PPDPF: variants seen among roughly 807,000 people sequenced by gnomAD.
The protein encoded by PPDPF is exocrine differentiation and proliferation factor.
PPDPF carries 11 observed loss-of-function variants against 6.3 expected under a neutral mutation model. The ratio of observed to expected loss-of-function variants is 1.76; its 90% confidence interval spans 1.11 to 2.91. The LOEUF is 2.91. Among genes scored for constraint, PPDPF ranks in the 30% most tolerant of loss-of-function variants. The probability of loss-of-function intolerance (pLI) is 0.00; values close to 1 mark genes in which losing one functional copy is unlikely to be tolerated. For synonymous variants in PPDPF, 86 were observed against 64.5 expected, an observed-to-expected ratio of 1.33 and a Z score of -1.60; for missense variants, 202 against 159.4, an observed-to-expected ratio of 1.27 and a Z score of -1.44.
At position 63,521,554 on chromosome 20, in the gene PPDPF, C is replaced by A; in HGVS notation, c.98C>A (p.Thr33Asn). Reference protein sequence around the residue: ...STSSNSSCSSTECPGEAIPHP... With the variant: ...STSSNSSCSSNECPGEAIPHP... ...TCCAGCAACAGCTCCTGCAGCAGTA[C>A]CGAGTGCCCCGGGGAAGCCATTCCC... is the stretch of plus-strand genomic sequence containing the variant. The change falls in exon 3 of 4, where the codon ACC (threonine) becomes AAC (asparagine). Residue 33 changes from threonine to asparagine, a missense_variant. Coordinates refer to ENST00000370179, the MANE Select transcript of PPDPF (RefSeq NM_024299.4). 1 of 1,604,160 alleles carries A rather than the reference C, an allele frequency of 6.2e-7. No individual in the cohort carries two copies. Among genetic ancestry groups the A allele is most frequent in the Non-Finnish European group, 8.5e-7 (1 of 1,175,022 alleles).
At chr20:63,521,232 C>T (rs1231927178) in intron 1 of PPDPF, 52 bp from the exon 2 acceptor site, 9 of 1,479,734 alleles carry the variant, frequency 6.1e-6, no homozygotes, top group Admixed American at 2.1e-5. Flanking sequence ...GGGGAGCGCC[C>T]TTCATGACGG....
rs993135951 is a variant in PPDPF at position 63,521,799 on chromosome 20, G to A, written c.265G>A (p.Ala89Thr). Residue 89 changes from alanine to threonine, a missense_variant, in exon 4 of 4, where the codon GCC becomes ACC. Transcript: ENST00000370179. ...EPPQASSSMT[A>T]CGLARDAPRK... ...TCCCCAGGCCTCCAGCAGCATGACC[G>A]CCTGTGGCCTGGCTCGGGACGCCCC... The A allele has an allele frequency of 2.5e-6, 4 of 1,612,304 alleles. No homozygotes were observed. Among genetic ancestry groups the A allele is most frequent in the Non-Finnish European group, 3.4e-6 (4 of 1,179,856 alleles).
chr20:63,521,656 C>G lies in PPDPF; in HGVS notation c.134-12C>G. 2 of 1,613,358 alleles carry G rather than the reference C, an allele frequency of 1.2e-6. No individual in the cohort carries two copies. The highest frequency in any genetic ancestry group is 1.7e-6 in the Non-Finnish European group (2 of 1,179,924). Reference sequence around the variant, plus strand: ...AGCTGGCAGCATCAAGACCCCACTTCGCTTCTCTCAGGTCTCCCCAAGGCT... The same window carrying G: ...AGCTGGCAGCATCAAGACCCCACTTGGCTTCTCTCAGGTCTCCCCAAGGCT... On this transcript the variant is annotated splice_polypyrimidine_tract_variant and intron_variant, in intron 3 of 3. Coordinates refer to ENST00000370179, the MANE Select transcript of PPDPF (RefSeq NM_024299.4).
chr20:63,520,944 G>A, intron 1 of PPDPF, 50 bp downstream of exon 1: 9 of 1,013,504 alleles, frequency 8.9e-6, no homozygotes, highest in Non-Finnish European at 1.1e-5. Flanking sequence ...GGGGCGGGGG[G>A]CGAGGGGCGG....
intron 1 of PPDPF, 91 bp downstream of exon 1, chr20:63,520,985 C>A: frequency 1.1e-6 from 1 of 917,224 alleles, no homozygotes; most frequent in Non-Finnish European, 1.4e-6. Flanking sequence ...TCCTCTCCGC[C>A]TGGCGAGCGC....
Position 63,521,744 on chromosome 20 carries a change from G to A in PPDPF, c.210G>A (p.Thr70=), listed in dbSNP as rs567883172. ...FGKSTLPFMA[T]VLESAEHSEP... ...AGTCCACCCTCCCGTTCATGGCCAC[G>A]GTGTTGGAGTCCGCAGAGCACTCGG... Residue 70 remains threonine (T), a synonymous_variant, in exon 4 of 4, where the codon ACG becomes ACA. Transcript: ENST00000370179. 6.2e-6 allele frequency: 10 copies of A among 1,613,182 alleles called. No homozygotes were observed. The African/African-American group carries it at 6.7e-5, about 11-fold the overall frequency.
Position 63,522,021 on chromosome 20 carries a change from C to T in PPDPF, c.*142C>T, listed in dbSNP as rs1234337189. ...CTGTAAACTAGGCGGCTGCAGCAAG[C>T]AGACCTTCGCATCAACACAGCAGAC... is the stretch of plus-strand genomic sequence containing the variant. On this transcript the variant is annotated 3_prime_UTR_variant, in exon 4 of 4. Transcript: ENST00000370179. 4.3e-5 allele frequency: 30 copies of T among 690,574 alleles called. No individual in the cohort carries two copies. In the Admixed American group the frequency reaches 6.0e-4, roughly 14 times the overall value. The allele number at this position is 690,574 out of a possible 1,614,324, so 42.8% of individuals were successfully genotyped here.
rs1399810457 is a variant in PPDPF, at chr20:63,520,788, T to C, written c.-132T>C. ...GCACCCCGCGCGCGCCTCTCTGTCG[T>C]GGCGCGGCTTCCCGCGGTCTTCTCT... On this transcript the variant is annotated 5_prime_UTR_variant, in exon 1 of 4. Coordinates refer to ENST00000370179, the MANE Select transcript of PPDPF (RefSeq NM_024299.4). The C allele has an allele frequency of 2.0e-6, 2 of 976,468 alleles. No individual in the cohort carries two copies. The highest frequency in any genetic ancestry group is 4.7e-5 in the South Asian group (1 of 21,256). The allele number at this position is 976,468 out of a possible 1,614,324, so 60.5% of individuals were successfully genotyped here. A position where few individuals can be genotyped will look rare whatever the true frequency, so the allele number is the denominator to read the frequency against.
In PPDPF at chr20:63,522,019, A is replaced by G; in HGVS notation, c.*140A>G. The G allele has an allele frequency of 1.4e-6, 1 of 690,186 alleles. No homozygotes were observed. The highest frequency in any genetic ancestry group is 2.6e-6 in the Non-Finnish European group (1 of 390,946). 42.8% of individuals were successfully genotyped at this position (690,186 alleles called of 1,614,324 possible). On this transcript the variant is annotated 3_prime_UTR_variant, in exon 4 of 4. Transcript: ENST00000370179. ...CCCTGTAAACTAGGCGGCTGCAGCA[A>G]GCAGACCTTCGCATCAACACAGCAG...
In PPDPF at chr20:63,521,714, C is replaced by A. The variant is rs1192385362; in HGVS notation, c.180C>A (p.Phe60Leu). 1 of 1,613,408 alleles carries A rather than the reference C, an allele frequency of 6.2e-7. No individual in the cohort carries two copies. Among genetic ancestry groups the A allele is most frequent in the Non-Finnish European group, 8.5e-7 (1 of 1,180,000 alleles). ...GTCATTGGTGGGCCAGCTTCTTTTT[C>A]GGGAAGTCCACCCTCCCGTTCATGG... ...DPGHWWASFF[F>L]GKSTLPFMAT... Residue 60 changes from phenylalanine to leucine, a missense_variant, in exon 4 of 4, where the codon TTC (phenylalanine) becomes TTA (leucine). Phe to Leu is a conservative substitution (Grantham distance 22, BLOSUM62 0). Transcript: ENST00000370179.
chr20:63,521,201 A>G (rs1419114712), intron 1 of PPDPF, 83 bp from the exon 2 acceptor site: 1 of 1,297,826 alleles, frequency 7.7e-7, no homozygotes, highest in South Asian at 1.5e-5. Flanking sequence ...TAAATAACCC[A>G]GCGCGGCGGC....
Position 63,522,065 on chromosome 20 carries a change from C to A in PPDPF, c.*186C>A, listed in dbSNP as rs887521334. On this transcript the variant is annotated 3_prime_UTR_variant, in exon 4 of 4. Transcript: ENST00000370179. ...AGCAGACACCAAAAACCAGTGAGAG[C>A]CCCGCTCTCTACCGCCCGGCCCCAG... 3 of 632,628 alleles carry A rather than the reference C, an allele frequency of 4.7e-6. No homozygotes were observed. The highest frequency in any genetic ancestry group is 8.7e-6 in the Non-Finnish European group (3 of 346,576). 39.2% of individuals were successfully genotyped at this position (632,628 alleles called of 1,614,324 possible).
chr20:63,521,955 T>TCC lies in PPDPF; in HGVS notation c.*77_*78dup. On this transcript the variant is annotated 3_prime_UTR_variant, in exon 4 of 4. Transcript: ENST00000370179. ...AGCCCCTCCCCGCCCCTCTCCCCAC[T>TCC]CCGCATCCCTCGCCCCCCTCCCCAC... The TCC allele has an allele frequency of 1.2e-6, 1 of 844,510 alleles. No individual in the cohort carries two copies. The highest frequency in any genetic ancestry group is 3.2e-5 in the East Asian group (1 of 30,898). The allele number at this position is 844,510 out of a possible 1,614,324, so 52.3% of individuals were successfully genotyped here.
Position 63,521,556 on chromosome 20 carries a change from G to C in PPDPF, c.100G>C (p.Glu34Gln). The change falls in exon 3 of 4, where the codon GAG becomes CAG. Residue 34 changes from glutamate (E) to glutamine (Q), a missense_variant. Transcript: ENST00000370179. Reference protein sequence around the residue: ...TSSNSSCSSTECPGEAIPHPP... With the variant: ...TSSNSSCSSTQCPGEAIPHPP... ...CAGCAACAGCTCCTGCAGCAGTACC[G>C]AGTGCCCCGGGGAAGCCATTCCCCA... 6.2e-7 allele frequency: 1 copy of C among 1,605,198 alleles called. No homozygotes were observed. The highest frequency in any genetic ancestry group is 8.5e-7 in the Non-Finnish European group (1 of 1,175,542).
At position 63,521,869 on chromosome 20, in the gene PPDPF, C is replaced by T. The variant is rs1374403337; in HGVS notation, c.335C>T (p.Pro112Leu). Residue 112 changes from proline to leucine, a missense_variant, in exon 4 of 4, where the codon CCC (proline) becomes CTC (leucine). Physicochemically the swap from Pro to Leu is moderately conservative, Grantham distance 98. Coordinates refer to ENST00000370179, the MANE Select transcript of PPDPF (RefSeq NM_024299.4). ...CAGTCCAGCACAGCCAGCGCTGGGC[C>T]CCCGTCCTGACCTGAGCGGTTACCA... ...GGQSSTASAG[P>L]PS 2.5e-6 allele frequency: 4 copies of T among 1,589,656 alleles called. No individual in the cohort carries two copies. The highest frequency in any genetic ancestry group is 1.8e-5 in the Admixed American group (1 of 56,150).
Position 63,521,649 on chromosome 20 carries a change from C to T in PPDPF, c.134-19C>T, listed in dbSNP as rs777421081. 3 of 1,613,194 alleles carry T rather than the reference C, an allele frequency of 1.9e-6. No individual in the cohort carries two copies. The highest frequency in any genetic ancestry group is 1.7e-6 in the Non-Finnish European group (2 of 1,179,832). Reference sequence around the variant, plus strand: ...CTCCAGGAGCTGGCAGCATCAAGACCCCACTTCGCTTCTCTCAGGTCTCCC... The same window carrying T: ...CTCCAGGAGCTGGCAGCATCAAGACTCCACTTCGCTTCTCTCAGGTCTCCC... On this transcript the variant is annotated intron_variant, in intron 3 of 3. Transcript: ENST00000370179.
chr20:63,521,699 G>C lies in PPDPF; in HGVS notation c.165G>C (p.Trp55Cys). 1 of 1,613,428 alleles carries C rather than the reference G, an allele frequency of 6.2e-7. No individual in the cohort carries two copies. The highest frequency in any genetic ancestry group is 1.3e-5 in the African/African-American group (1 of 75,024). ...CCAAGGCTGACCCGGGTCATTGGTG[G>C]GCCAGCTTCTTTTTCGGGAAGTCCA... ...GLPKADPGHW[W>C]ASFFFGKSTL... Residue 55 changes from tryptophan to cysteine, a missense_variant, in exon 4 of 4, where the codon TGG becomes TGC. Trp to Cys is a radical substitution (Grantham distance 215). Coordinates refer to ENST00000370179, the MANE Select transcript of PPDPF (RefSeq NM_024299.4).
At position 63,522,014 on chromosome 20, in the gene PPDPF, C is replaced by A. The variant is rs536659900; in HGVS notation, c.*135C>A. The A allele has an allele frequency of 5.3e-4, 374 of 710,508 alleles. No individual in the cohort carries two copies. The highest frequency in any genetic ancestry group is 5.2e-3 in the African/African-American group (277 of 53,586). The allele number at this position is 710,508 out of a possible 1,614,324, so 44.0% of individuals were successfully genotyped here. A position where few individuals can be genotyped will look rare whatever the true frequency, so the allele number is the denominator to read the frequency against. On this transcript the variant is annotated 3_prime_UTR_variant, in exon 4 of 4. Transcript: ENST00000370179. ...CCCCACCCTGTAAACTAGGCGGCTG[C>A]AGCAAGCAGACCTTCGCATCAACAC...
At chr20:63,521,452 A>C (rs965830511) in intron 2 of PPDPF, 60 bp from the exon 3 acceptor site, 31 of 1,571,668 alleles carry the variant, frequency 2.0e-5, no homozygotes, top group Non-Finnish European at 2.5e-5. Context: ...GCTCGGCCTG[A>C]AGGCCGGTGG....
Sources: allele counts gnomAD v4.1 joint callset, GRCh38; gene constraint gnomAD v4.1.1; transcripts MANE v1.5; gene names NCBI Gene and HGNC (gene_info 2026-07-23, HGNC 2026-07-21).